ADARB1: variants seen among roughly 807,000 people sequenced by gnomAD.
ADARB1 encodes double-stranded RNA-specific editase 1.
In ADARB1, 10 loss-of-function variants were observed where a neutral mutation model predicts 52.4. The ratio of observed to expected loss-of-function variants is 0.19; its 90% CI spans 0.12 to 0.32. ADARB1 has a LOEUF of 0.32. Ranked by LOEUF, ADARB1 falls within the 10% of genes least tolerant of loss-of-function variation. The probability of loss-of-function intolerance (pLI) is 1.00; values close to 1 mark genes in which losing one functional copy is unlikely to be tolerated. For synonymous variants in ADARB1, 349 were observed against 371.1 expected, an observed-to-expected ratio of 0.94 and a Z score of 0.68; for missense variants, 643 against 922.3, an observed-to-expected ratio of 0.70 and a Z score of 3.92.
intron 4 of ADARB1, among the ~76,000 whole-genome samples, chr21:45,179,576 AG>A (rs1960343003): frequency 6.6e-6 from 1 of 152,238 alleles, no homozygotes; most frequent in Admixed American, 6.5e-5. Flanking sequence ...TGTTCTCAGA[AG>A]CACTTTAATA....
chr21:45,085,270 A>T (rs780101752), intron 1 of ADARB1, among the ~76,000 whole-genome samples: 10 of 152,180 alleles, frequency 6.6e-5, no homozygotes, highest in Non-Finnish European at 1.5e-4. Context: ...TGTCTTAGGG[A>T]TATCCCCAGG....
At chr21:45,178,491 G>GA (rs1297958865) in intron 4 of ADARB1, among the ~76,000 whole-genome samples, 1 of 152,234 alleles carries the variant, frequency 6.6e-6, no homozygotes, top group African/African-American at 2.4e-5. Context: ...TGTGTCTTTG[G>GA]AGCCCCCAGG....
chr21:45,102,873 A>G (rs567091501), intron 1 of ADARB1, among the ~76,000 whole-genome samples: 1 of 152,286 alleles, frequency 6.6e-6, no homozygotes, highest in African/African-American at 2.4e-5. Flanking sequence ...GTGCAGAGCA[A>G]CTTCCTTCCA....
At chr21:45,197,356 C>T (rs1051978732) in intron 8 of ADARB1, among the ~76,000 whole-genome samples, 3 of 151,802 alleles carry the variant, frequency 2.0e-5, no homozygotes, top group East Asian at 3.9e-4. Flanking sequence ...AAAAATTAGC[C>T]GGGCATGGTG....
rs1262204532 is a variant in ADARB1, at chr21:45,223,500, C to T, written c.*1303C>T. On this transcript the variant is annotated 3_prime_UTR_variant, in exon 11 of 11. Transcript: ENST00000348831. Reference sequence around the variant, plus strand: ...CACCAGGTGCCTTGTTGCCTCCGCTCAGGATGAAAGAGGAGCTGAGAGAAG... The same window carrying T: ...CACCAGGTGCCTTGTTGCCTCCGCTTAGGATGAAAGAGGAGCTGAGAGAAG... 19 of 985,546 alleles carry T rather than the reference C, an allele frequency of 1.9e-5. No homozygotes were observed. The highest frequency in any genetic ancestry group is 2.2e-5 in the Non-Finnish European group (18 of 830,120). 61.1% of individuals were successfully genotyped at this position (985,546 alleles called of 1,614,324 possible).
At chr21:45,153,050 TC>T in intron 2 of ADARB1, among the ~76,000 whole-genome samples, 1 of 152,372 alleles carries the variant, frequency 6.6e-6, no homozygotes, top group Non-Finnish European at 1.5e-5. Context: ...ATATGAGATT[TC>T]CTTTGCCGCA....
intron 1 of ADARB1, among the ~76,000 whole-genome samples, chr21:45,098,711 G>A (rs1391820958): frequency 2.0e-5 from 3 of 152,198 alleles, no homozygotes; most frequent in Non-Finnish European, 4.4e-5. Context: ...GTGGGGGATG[G>A]CGAGTGCTAG....
intron 2 of ADARB1, among the ~76,000 whole-genome samples, chr21:45,159,122 C>T (rs2090826865): frequency 6.6e-6 from 1 of 152,118 alleles, no homozygotes; most frequent in Non-Finnish European, 1.5e-5. Flanking sequence ...CTAATAAAGA[C>T]TGAATAATTT....
chr21:45,159,412 G>A (rs966061509), intron 2 of ADARB1, among the ~76,000 whole-genome samples: 1 of 152,210 alleles, frequency 6.6e-6, no homozygotes, highest in Non-Finnish European at 1.5e-5. Context: ...AATTCAAGAC[G>A]AGATTTGGGT....
Position 45,173,330 on chromosome 21 carries a change from G to A in ADARB1, c.28+1646G>A, listed in dbSNP as rs560258158. Reference sequence around the variant, plus strand: ...TAGTAGCATGATACAGAAAGAGAAGGCATCTGTTGAAGAAAAGCTGTGAAA... The same window carrying A: ...TAGTAGCATGATACAGAAAGAGAAGACATCTGTTGAAGAAAAGCTGTGAAA... On this transcript the variant is annotated intron_variant, in intron 3 of 10. Transcript: ENST00000348831. Among the ~76,000 whole-genome samples the A allele has an allele frequency of 2.6e-5, 4 of 152,288 alleles. No individual in the cohort carries two copies. In the East Asian group the frequency reaches 5.8e-4, roughly 22 times the overall value.
At chr21:45,169,669 A>G (rs982747116) in intron 2 of ADARB1, among the ~76,000 whole-genome samples, 1 of 152,234 alleles carries the variant, frequency 6.6e-6, no homozygotes, top group South Asian at 2.1e-4. Context: ...CCACTGAGGA[A>G]GTTCCTTTGC....
intron 8 of ADARB1, among the ~76,000 whole-genome samples, chr21:45,186,819 C>T (rs1308811895): frequency 6.6e-6 from 1 of 152,142 alleles, no homozygotes; most frequent in Non-Finnish European, 1.5e-5. Flanking sequence ...AGTAGTCTTG[C>T]ACTCTGTTGA....
intron 2 of ADARB1, among the ~76,000 whole-genome samples, chr21:45,129,607 C>T (rs933280792): frequency 1.3e-5 from 2 of 152,246 alleles, no homozygotes; most frequent in Admixed American, 1.3e-4. Context: ...GTGAGCCGCT[C>T]ACTGGACACA....
intron 1 of ADARB1, among the ~76,000 whole-genome samples, chr21:45,083,384 A>G (rs1244781657): frequency 6.6e-6 from 1 of 152,216 alleles, no homozygotes; most frequent in Non-Finnish European, 1.5e-5. Flanking sequence ...AGATTTCCAC[A>G]CTTTTCTATG....
At chr21:45,145,459 C>T (rs1471912915) in intron 2 of ADARB1, 1 of 152,336 alleles carries the variant, frequency 6.6e-6, no homozygotes, top group Non-Finnish European at 1.5e-5. Context: ...GCTACCAGGC[C>T]CTGGGGTGAT....
intron 1 of ADARB1, among the ~76,000 whole-genome samples, chr21:45,118,783 A>G (rs1359530847): frequency 6.6e-6 from 1 of 152,176 alleles, no homozygotes; most frequent in Non-Finnish European, 1.5e-5. Flanking sequence ...AGCGATTCTC[A>G]GGTTTCAGCC....
At chr21:45,180,736 A>G (rs2091901015) in intron 5 of ADARB1, among the ~76,000 whole-genome samples, 1 of 152,208 alleles carries the variant, frequency 6.6e-6, no homozygotes, top group South Asian at 2.1e-4. Context: ...GAAGATGGCA[A>G]GGGGCTTACT....
chr21:45,202,117 C>T (rs984924347), intron 8 of ADARB1, among the ~76,000 whole-genome samples: 17 of 151,900 alleles, frequency 1.1e-4, no homozygotes, highest in Non-Finnish European at 1.9e-4. Flanking sequence ...TGCTGGCCCA[C>T]GTGTTCACAG....
intron 1 of ADARB1, chr21:45,118,622 A>C: frequency 6.6e-6 from 1 of 152,346 alleles, no homozygotes; most frequent in East Asian, 1.9e-4. Flanking sequence ...TACTGCAGGT[A>C]AACATCTTCT....
Sources: gnomAD v4.1 joint callset for allele counts (sites outside exome capture counted in the v4.1 genomes callset) on GRCh38, gnomAD v4.1.1 for gene constraint, MANE v1.5 for transcripts, NCBI Gene and HGNC (gene_info 2026-07-23, HGNC 2026-07-21) for gene names.